The following PTPDC1 variants were observed in gnomAD, a reference collection of about 807,000 sequenced individuals.
The protein encoded by PTPDC1 is protein tyrosine phosphatase domain containing 1.
In PTPDC1, 53 loss-of-function variants were observed where a neutral mutation model predicts 75.3. The ratio of observed to expected loss-of-function variants is 0.70; its 90% CI spans 0.56 to 0.88. PTPDC1 has a LOEUF of 0.88. Ranked by LOEUF, PTPDC1 falls within the 40% of genes least tolerant of loss-of-function variation. The probability of loss-of-function intolerance (pLI) is 0.00; values close to 1 mark genes in which losing one functional copy is unlikely to be tolerated. For missense variants in PTPDC1, 925 were observed against 998.6 expected, an observed-to-expected ratio of 0.93 and a Z score of 0.99; for synonymous variants, 349 against 366.2, an observed-to-expected ratio of 0.95 and a Z score of 0.54.
chr9:94,106,384 A>G (rs1213021586), intron 8 of PTPDC1, among the ~76,000 whole-genome samples: 1 of 152,176 alleles, frequency 6.6e-6, no homozygotes, highest in Non-Finnish European at 1.5e-5. Context: ...TTCAGGGCAA[A>G]GGTTGGCAGA....
intron 8 of PTPDC1, among the ~76,000 whole-genome samples, chr9:94,105,309 T>C (rs1025052550): frequency 1.3e-5 from 2 of 152,204 alleles, no homozygotes; most frequent in Non-Finnish European, 2.9e-5. Flanking sequence ...CCTTTACATC[T>C]GTATTTACAC....
Position 94,084,534 on chromosome 9 carries a change from C to A in PTPDC1, c.4C>A (p.Gln2Lys). 6.2e-7 allele frequency: 1 copy of A among 1,610,816 alleles called. No homozygotes were observed. Residue 2 changes from glutamine (Q) to lysine (K), a missense_variant, in exon 1 of 9, where the codon CAG becomes AAG. Gln to Lys is a moderately conservative substitution (Grantham distance 53). Coordinates refer to ENST00000620992, the MANE Select transcript of PTPDC1 (RefSeq NM_001253829.2). The stretch of plus-strand genomic sequence containing the variant: ...CCGGCTCTTGCCTCCCAGTGCCATG[C>A]AGGTGCAGGATGCAACCAGGCGGCC... M[Q>K]VQDATRRPSA...
chr9:94,038,809 AATGTCT>A (rs1388651568), intron 1 of PTPDC1, among the ~76,000 whole-genome samples: 1 of 152,208 alleles, frequency 6.6e-6, no homozygotes, highest in Non-Finnish European at 1.5e-5. Context: ...ATAAGGTAGC[AATGTCT>A]ACTTTATATT....
intron 5 of PTPDC1, among the ~76,000 whole-genome samples, chr9:94,096,755 G>A (rs1193934859): frequency 6.6e-6 from 1 of 152,098 alleles, no homozygotes; most frequent in Non-Finnish European, 1.5e-5. Flanking sequence ...AAAAAGAATT[G>A]CCAAGAAGAA....
chr9:94,063,672 A>T (rs1304704995), intron 1 of PTPDC1, among the ~76,000 whole-genome samples: 1 of 152,208 alleles, frequency 6.6e-6, no homozygotes, highest in Non-Finnish European at 1.5e-5. Context: ...GTAAAATTTT[A>T]GTGAACTTGA....
intron 1 of PTPDC1, among the ~76,000 whole-genome samples, chr9:94,040,219 T>G (rs1191485244): frequency 6.6e-6 from 1 of 152,210 alleles, no homozygotes; most frequent in Non-Finnish European, 1.5e-5. Flanking sequence ...ATTTTAGAGT[T>G]TGATTAATTA....
In PTPDC1 at chr9:94,099,359, G is replaced by C. The variant is rs75270716; in HGVS notation, c.2013+780G>C. Among the ~76,000 whole-genome samples, 1,331 of 151,362 alleles carry C rather than the reference G, an allele frequency of 8.8e-3. 10 individuals carry two copies. Among genetic ancestry groups the C allele is most frequent in the African/African-American group, 0.031 (1,278 of 41,176 alleles). The stretch of plus-strand genomic sequence containing the variant: ...AGCTAAACTACCCCAAAAGGAGGCT[G>C]ACTTGGACAGTCGTGAATCACCGAG... On this transcript the variant is annotated intron_variant, in intron 6 of 8. Transcript: ENST00000620992.
rs772766143 is a variant in PTPDC1, at chr9:94,101,619, C to T, written c.2067C>T (p.Asp689=). The T allele has an allele frequency of 5.0e-6, 8 of 1,613,332 alleles. No homozygotes were observed. The African/African-American group carries it at 9.4e-5, about 19-fold the overall frequency. ...GGGAAAGAATATGTGGCGAGAGGGA[C>T]CCTTTCATCCTATGCAGCTTGATGT... The part of the protein sequence containing the change: ...GAWERICGER[D]PFILCSLMWS... The change falls in exon 7 of 9, where the codon GAC becomes GAT. Residue 689 remains aspartate, a synonymous_variant. Transcript: ENST00000620992.
intron 2 of PTPDC1, among the ~76,000 whole-genome samples, chr9:94,078,575 C>A (rs932510228): frequency 3.3e-5 from 5 of 152,168 alleles, no homozygotes; most frequent in African/African-American, 4.8e-5. Flanking sequence ...ACTCCTCTCT[C>A]AACTCTCTTT....
intron 1 of PTPDC1, among the ~76,000 whole-genome samples, chr9:94,052,913 G>A (rs989513575): frequency 6.6e-6 from 1 of 152,118 alleles, no homozygotes; most frequent in Non-Finnish European, 1.5e-5. Flanking sequence ...TGAACCTATG[G>A]GAATAAGTTT....
intron 4 of PTPDC1, 74 bp from the exon 5 acceptor site, chr9:94,095,243 G>GGTCGCCC: frequency 8.5e-7 from 1 of 1,181,316 alleles, no homozygotes; most frequent in South Asian, 1.4e-5. Flanking sequence ...GTAGATCTGT[G>GGTCGCCC]TACTTTTCAT....
rs534533996 is a variant in PTPDC1 at position 94,107,868 on chromosome 9, C to A, written c.2351C>A (p.Thr784Asn). ...GAAAATGGACCAACAGTTTACAACA[C>A]CCTGAAGAAAATATTTAAGCACACG... ...DSENGPTVYN[T>N]LKKIFKHTLE... Residue 784 changes from threonine (T) to asparagine (N), a missense_variant, in exon 9 of 9, where the codon ACC (threonine) becomes AAC (asparagine). Thr to Asn is a moderately conservative substitution (Grantham distance 65, BLOSUM62 0). Coordinates refer to ENST00000620992, the MANE Select transcript of PTPDC1 (RefSeq NM_001253829.2). 161 of 1,608,694 alleles carry A rather than the reference C, an allele frequency of 1.0e-4. No individual in the cohort carries two copies. The highest frequency in any genetic ancestry group is 1.3e-4 in the Non-Finnish European group (149 of 1,177,686).
chr9:94,101,625 C>T lies in PTPDC1; in HGVS notation c.2073C>T (p.Phe691=). The part of the protein sequence containing the change: ...WERICGERDP[F]ILCSLMWSWV... ...GAATATGTGGCGAGAGGGACCCTTT[C>T]ATCCTATGCAGCTTGATGTGGTCTT... Residue 691 remains phenylalanine (F), a synonymous_variant, in exon 7 of 9, where the codon TTC becomes TTT. Transcript: ENST00000620992. The T allele has an allele frequency of 3.7e-6, 6 of 1,613,882 alleles. No homozygotes were observed. The highest frequency in any genetic ancestry group is 5.1e-6 in the Non-Finnish European group (6 of 1,179,842).
chr9:94,042,064 T>G (rs1360722419), intron 1 of PTPDC1, among the ~76,000 whole-genome samples: 1 of 152,222 alleles, frequency 6.6e-6, no homozygotes, highest in African/African-American at 2.4e-5. Context: ...CTACACAGTT[T>G]ATTCTAACCT....
chr9:94,031,000 C>G (rs1162826655), exon 1 of PTPDC1: 3 of 152,144 alleles, frequency 2.0e-5, no homozygotes, highest in Non-Finnish European at 4.4e-5. Context: ...ACCCACAGAC[C>G]CTCCGCGGGG....
chr9:94,054,606 T>TA (rs150871825), intron 1 of PTPDC1, among the ~76,000 whole-genome samples: 2 of 152,112 alleles, frequency 1.3e-5, no homozygotes, highest in African/African-American at 2.4e-5. Flanking sequence ...AAATTTGGAT[T>TA]AAAAAATCAG....
chr9:94,067,333 G>A (rs1228360230), intron 2 of PTPDC1, among the ~76,000 whole-genome samples: 2 of 151,548 alleles, frequency 1.3e-5, no homozygotes, highest in East Asian at 1.9e-4. Context: ...GAGGTTGCAG[G>A]GAGCCAAGAT....
chr9:94,045,292 C>T lies in PTPDC1; in HGVS notation c.-7+14165C>T, dbSNP rs528696353. The stretch of plus-strand genomic sequence containing the variant: ...AAGTCTTTGCTATTGTCAATAGTGC[C>T]GCAGTAAACATACGTGTGCATGTGT... On this transcript the variant is annotated intron_variant, in intron 1 of 9. Coordinates refer to the PTPDC1 transcript ENST00000375360. 1.9e-3 allele frequency among the ~76,000 whole-genome samples: 290 copies of T among 152,018 alleles called. 1 individual carries two copies. The highest frequency in any genetic ancestry group is 6.5e-3 in the African/African-American group (270 of 41,446).
chr9:94,057,136 G>A (rs532097425), intron 1 of PTPDC1, among the ~76,000 whole-genome samples: 1 of 152,122 alleles, frequency 6.6e-6, no homozygotes, highest in African/African-American at 2.4e-5. Context: ...GCAGTGACGC[G>A]ATTACAGCTC....
Sources: allele counts gnomAD v4.1 joint callset (sites outside exome capture counted in the v4.1 genomes callset), GRCh38; gene constraint gnomAD v4.1.1; transcripts MANE v1.5; gene names NCBI Gene and HGNC (gene_info 2026-07-23, HGNC 2026-07-21).